GCDH: variants seen among roughly 807,000 people sequenced by gnomAD.
The protein encoded by GCDH is glutaryl-CoA dehydrogenase.
A neutral mutation model predicts 52.8 loss-of-function variants in GCDH; 31 were observed. The ratio of observed to expected loss-of-function variants is 0.59; its 90% CI spans 0.44 to 0.79. GCDH has a LOEUF of 0.79. Among genes scored for constraint, GCDH ranks in the 30% least tolerant of loss-of-function variants. The pLI is 0.00. For synonymous variants in GCDH, 242 were observed against 250.0 expected (o/e 0.97, Z 0.30); for missense variants, 509 against 595.0 (o/e 0.86, Z 1.50).
intron 10 of GCDH, 33 bp from the exon 11 acceptor site, chr19:12,897,670 C>G (rs906635649): frequency 6.2e-7 from 1 of 1,613,232 alleles, no homozygotes. Context: ...GCCAGGATCC[C>G]CAGTCCTTGT....
rs540931329 is a variant in GCDH, at chr19:12,895,900, G to A, written c.506-92G>A. On this transcript the variant is annotated intron_variant, in intron 6 of 11. Coordinates refer to ENST00000222214, the MANE Select transcript of GCDH (RefSeq NM_000159.4). ...CTCCTAAAGTGCTGGGATGACAGGC[G>A]TGAGCCACTGCACCCCGCCACGAGG... The A allele has an allele frequency of 1.5e-3, 2,192 of 1,508,326 alleles. 1 individual carries two copies. Among genetic ancestry groups the A allele is most frequent in the Non-Finnish European group, 1.8e-3 (2,017 of 1,094,914 alleles). The allele number at this position is 1,508,326 out of a possible 1,614,324, so 93.4% of individuals were successfully genotyped here.
Position 12,893,652 on chromosome 19 carries a change from G to A in GCDH, c.504G>A (p.Leu168=). 1 of 1,613,614 alleles carries A rather than the reference G, an allele frequency of 6.2e-7. No homozygotes were observed. Among genetic ancestry groups the A allele is most frequent in the South Asian group, 1.1e-5 (1 of 91,078 alleles). The change falls in exon 6 of 12, where the codon CTG becomes CTA. Residue 168 remains leucine (L), a splice_region_variant and synonymous_variant. Transcript: ENST00000222214. ...EEQRQKYLPQ[L]AKGELLGCFG... is the part of the protein sequence containing the mutation. ...AGCGGCAGAAGTACCTGCCCCAGCT[G>A]GGTGAGTGGCTGCCCATGGGGCCTG...
At chr19:12,894,411 GAGA>G (rs1014080826) in intron 6 of GCDH, 4 of 752,356 alleles carry the variant, frequency 5.3e-6, no homozygotes, top group African/African-American at 1.7e-5. Context: ...GAGAAAGAAA[GAGA>G]AGATCAGTTC....
chr19:12,893,863 A>G (rs1970614700), intron 6 of GCDH: 1 of 635,660 alleles, frequency 1.6e-6, no homozygotes, highest in Non-Finnish European at 2.8e-6. Flanking sequence ...TCATCTCCCT[A>G]TGCTTTCTGT....
chr19:12,891,534 T>C lies in GCDH; in HGVS notation c.127+12T>C. ...CCAACTGGCTAAGTGTAAGGACCTC[T>C]GGTCGCACCGTGTGTCTGCTGCCCC... On this transcript the variant is annotated intron_variant, in intron 3 of 11. Coordinates refer to ENST00000222214, the MANE Select transcript of GCDH (RefSeq NM_000159.4). 6.2e-7 allele frequency: 1 copy of C among 1,614,220 alleles called. No individual in the cohort carries two copies. The highest frequency in any genetic ancestry group is 8.5e-7 in the Non-Finnish European group (1 of 1,180,022).
Position 12,896,615 on chromosome 19 carries a change from C to G in GCDH, c.852+194C>G, listed in dbSNP as rs1428671906. On this transcript the variant is annotated intron_variant, in intron 8 of 11. Transcript: ENST00000222214. This position sits in a 1 kb window ranked among gnomAD's most constrained non-coding sequence, Gnocchi z 5.5. Reference sequence around the variant, plus strand: ...CCGTCTCGCTCATCCCGGCTCTGCCCGGGACACATGGGCCTGAACCAGCTC... The same window carrying G: ...CCGTCTCGCTCATCCCGGCTCTGCCGGGGACACATGGGCCTGAACCAGCTC... Among the ~76,000 whole-genome samples the G allele has an allele frequency of 6.6e-6, 1 of 152,202 alleles. No homozygotes were observed. The highest frequency in any genetic ancestry group is 1.5e-5 in the Non-Finnish European group (1 of 68,030).
rs756021086 is a variant in GCDH at position 12,896,414 on chromosome 19, G to C, written c.845G>C (p.Ser282Thr). 6.2e-7 allele frequency: 1 copy of C among 1,612,520 alleles called. No homozygotes were observed. The change falls in exon 8 of 12, where the codon AGC becomes ACC. Residue 282 changes from serine to threonine, a missense_variant. Physicochemically the swap from Ser to Thr is moderately conservative, Grantham distance 58. Coordinates refer to ENST00000222214, the MANE Select transcript of GCDH (RefSeq NM_000159.4). The surrounding 1 kb of genome is among the most constrained non-coding windows in gnomAD (Gnocchi z 5.5). The stretch of plus-strand genomic sequence containing the variant: ...GAGAATGTGCTCCCTGGTGCATCCA[G>C]CCTGGGGGTAAGTGGCAGCCACTTT... ...PEENVLPGAS[S>T]LGGPFGCLNN...
intron 9 of GCDH, 86 bp downstream of exon 9, chr19:12,897,099 C>T (rs1970699271): frequency 1.6e-6 from 2 of 1,237,140 alleles, no homozygotes; most frequent in Admixed American, 1.9e-5. Context: ...CCCCAGCCCC[C>T]ACCCACCAGG....
chr19:12,898,022 C>A, intron 11 of GCDH, 159 bp downstream of exon 11: 2 of 683,014 alleles, frequency 2.9e-6, no homozygotes, highest in Non-Finnish European at 5.2e-6. Context: ...TCTGGAGTTA[C>A]TCACATGGGG....
rs1012338390 is a variant in GCDH, at chr19:12,897,346, AAG to A, written c.1002_1003del (p.Lys335AlafsTer7). On this transcript the variant is annotated frameshift_variant, in exon 10 of 12. Coordinates refer to ENST00000222214, the MANE Select transcript of GCDH (RefSeq NM_000159.4). LOFTEE classifies it high-confidence loss of function. ...VPLARNQLIQ[K>X]KLADMLTEIT... The stretch of plus-strand genomic sequence containing the variant: ...ACTGGCCAGGAACCAGCTGATTCAG[AAG>A]AAGCTGGCAGACATGCTCACTGAGA... 1 of 1,613,736 alleles carries A rather than the reference AAG, an allele frequency of 6.2e-7. No homozygotes were observed. Among genetic ancestry groups the A allele is most frequent in the African/African-American group, 1.3e-5 (1 of 74,908 alleles).
chr19:12,897,456 G>C (rs751640362), intron 10 of GCDH, 28 bp downstream of exon 10: 23 of 1,609,534 alleles, frequency 1.4e-5, no homozygotes, highest in Non-Finnish European at 2.0e-5. Flanking sequence ...GGGGCGGGGG[G>C]ATGGCAGCGG....
chr19:12,891,247 G>A (rs1355393563), intron 1 of GCDH, 24 bp from the exon 2 acceptor site: 4 of 1,447,452 alleles, frequency 2.8e-6, no homozygotes, highest in Non-Finnish European at 2.9e-6. Flanking sequence ...GAGGAGCTCC[G>A]CTCTGACACC....
chr19:12,896,490 G>A lies in GCDH; in HGVS notation c.852+69G>A, dbSNP rs908518457. The stretch of plus-strand genomic sequence containing the variant: ...GATGCGGCTTTGTCAGGCAGGCTCC[G>A]TGCTGGGGACGCGGCTCCCTGTGCC... On this transcript the variant is annotated intron_variant, in intron 8 of 11. Coordinates refer to ENST00000222214, the MANE Select transcript of GCDH (RefSeq NM_000159.4). The surrounding 1 kb of genome is among the most constrained non-coding windows in gnomAD (Gnocchi z 5.5). 2.2e-5 allele frequency: 27 copies of A among 1,213,206 alleles called. No individual in the cohort carries two copies. Among genetic ancestry groups the A allele is most frequent in the African/African-American group, 1.6e-4 (11 of 67,130 alleles). The allele number at this position is 1,213,206 out of a possible 1,614,324, so 75.2% of individuals were successfully genotyped here.
Position 12,895,259 on chromosome 19 carries a change from AT to A in GCDH, c.506-723del, listed in dbSNP as rs903255076. On this transcript the variant is annotated intron_variant, in intron 6 of 11. Coordinates refer to ENST00000222214, the MANE Select transcript of GCDH (RefSeq NM_000159.4). ...GAGGTCTGACTCAGGGGCGAGGGTA[AT>A]TTTTTTTTTCTTTTTTTGAGACAAA... Among the ~76,000 whole-genome samples, 129 of 149,466 alleles carry A rather than the reference AT, an allele frequency of 8.6e-4. 1 individual carries two copies. The highest frequency in any genetic ancestry group is 2.8e-3 in the African/African-American group (112 of 40,678).
Position 12,893,876 on chromosome 19 carries a change from T to C in GCDH, c.505+223T>C, listed in dbSNP as rs530041203. The C allele has an allele frequency of 1.3e-4, 81 of 622,456 alleles. No individual in the cohort carries two copies. The African/African-American group carries it at 1.4e-3, about 11-fold the overall frequency. The allele number at this position is 622,456 out of a possible 1,614,324, so 38.6% of individuals were successfully genotyped here. A position where few individuals can be genotyped will look rare whatever the true frequency, so the allele number is the denominator to read the frequency against. On this transcript the variant is annotated intron_variant, in intron 6 of 11. Transcript: ENST00000222214. Reference sequence around the variant, plus strand: ...CGTCATCTCCCTATGCTTTCTGTGTTCCCCAGTCCAGCCCAAAGTTTAAAG... The same window carrying C: ...CGTCATCTCCCTATGCTTTCTGTGTCCCCCAGTCCAGCCCAAAGTTTAAAG...
At chr19:12,891,785 G>T (rs1599607483) in intron 3 of GCDH, 46 bp from the exon 4 acceptor site, 1 of 1,611,940 alleles carries the variant, frequency 6.2e-7, no homozygotes, top group Non-Finnish European at 8.5e-7. Flanking sequence ...AGAAGGGAGG[G>T]CACAGTGATC....
In GCDH at chr19:12,892,154, G is replaced by A. The variant is rs764097626; in HGVS notation, c.310G>A (p.Gly104Ser). The change falls in exon 5 of 12, where the codon GGT (glycine) becomes AGT (serine). Residue 104 changes from glycine to serine, a missense_variant. Physicochemically the swap from Gly to Ser is moderately conservative, Grantham distance 56. Transcript: ENST00000222214. ...REIISEMGEL[G>S]VLGPTIKGYG... ...GATCATTTCGGAGATGGGGGAGTTG[G>A]GTGTGCTGGGCCCCACCATCAAAGG... 1.2e-6 allele frequency: 2 copies of A among 1,614,130 alleles called. No homozygotes were observed. Among genetic ancestry groups the A allele is most frequent in the South Asian group, 2.2e-5 (2 of 91,084 alleles).
In GCDH at chr19:12,892,145, G is replaced by A. The variant is rs1273164833; in HGVS notation, c.301G>A (p.Gly101Arg). The A allele has an allele frequency of 1.9e-6, 3 of 1,614,152 alleles. No homozygotes were observed. The highest frequency in any genetic ancestry group is 1.6e-4 in the Middle Eastern group (1 of 6,062). Residue 101 changes from glycine to arginine, a missense_variant, in exon 5 of 12, where the codon GGG becomes AGG. Gly to Arg is a moderately radical substitution (Grantham distance 125, BLOSUM62 -2). Coordinates refer to ENST00000222214, the MANE Select transcript of GCDH (RefSeq NM_000159.4). ...TCATCGGGAGATCATTTCGGAGATG[G>A]GGGAGTTGGGTGTGCTGGGCCCCAC... ...VFHREIISEM[G>R]ELGVLGPTIK...
intron 11 of GCDH, chr19:12,898,307 A>G (rs554363579): frequency 8.2e-5 from 16 of 196,204 alleles, no homozygotes; most frequent in African/African-American, 3.3e-4. Flanking sequence ...GGTGATTTAC[A>G]TGGGGGTCCA....
Sources: allele counts gnomAD v4.1 joint callset (sites outside exome capture counted in the v4.1 genomes callset), GRCh38; gene constraint gnomAD v4.1.1; non-coding constraint Gnocchi (gnomAD v3.1); transcripts MANE v1.5; gene names NCBI Gene and HGNC (gene_info 2026-07-23, HGNC 2026-07-21).